The following PCDHGA6 variants were observed in gnomAD, a reference collection of about 807,000 sequenced individuals.
PCDHGA6 encodes protocadherin gamma-A6.
In PCDHGA6, 41 loss-of-function variants were observed where a neutral mutation model predicts 60.6. The ratio of observed to expected loss-of-function variants is 0.68; its 90% CI spans 0.53 to 0.88. The LOEUF (loss-of-function observed/expected upper bound fraction) is 0.88. Among genes scored for constraint, PCDHGA6 ranks in the 40% least tolerant of loss-of-function variants. PCDHGA6 has a pLI of 0.00. For missense variants in PCDHGA6, 1,312 were observed against 1,203.0 expected (o/e 1.09, Z -1.34); for synonymous variants, 594 against 524.4 (o/e 1.13, Z -1.81).
chr5:141,405,332 T>C, intron 1 of PCDHGA6: 1 of 1,614,222 alleles, frequency 6.2e-7, no homozygotes, highest in Non-Finnish European at 8.5e-7. Flanking sequence ...TTTGTGCGTC[T>C]CTGTTGATTC....
At chr5:141,393,886 A>G (rs944974638) in intron 1 of PCDHGA6, 3 of 1,614,034 alleles carry the variant, frequency 1.9e-6, no homozygotes, top group Admixed American at 1.7e-5. Context: ...CCAGTGTTAG[A>G]AAATTCTCTT....
At chr5:141,389,133 A>G (rs1239484034) in intron 1 of PCDHGA6, 18 of 1,613,928 alleles carry the variant, frequency 1.1e-5, no homozygotes, top group Admixed American at 5.0e-5. Flanking sequence ...TCCAGAGTAC[A>G]ATATAACCGT....
intron 1 of PCDHGA6, chr5:141,419,197 T>A (rs560134083): frequency 6.2e-7 from 1 of 1,613,966 alleles, no homozygotes; most frequent in East Asian, 2.2e-5. Flanking sequence ...CTGACGTCAA[T>A]GACAACGCGC....
intron 1 of PCDHGA6, chr5:141,479,290 T>C (rs1045200175): frequency 1.3e-5 from 2 of 152,438 alleles, no homozygotes; most frequent in Non-Finnish European, 2.9e-5. Flanking sequence ...AAAATAAATC[T>C]AGGCAACCCA....
At chr5:141,415,454 A>G (rs899212436) in intron 1 of PCDHGA6, 2 of 1,614,162 alleles carry the variant, frequency 1.2e-6, no homozygotes, top group Non-Finnish European at 8.5e-7. Flanking sequence ...TATTCCCACG[A>G]GGTCTCTCTC....
intron 1 of PCDHGA6, chr5:141,393,085 A>T (rs1350561914): frequency 5.6e-6 from 9 of 1,613,542 alleles, no homozygotes; most frequent in Non-Finnish European, 7.6e-6. Flanking sequence ...GGCAGGATAG[A>T]TCGGGAGGAG....
At chr5:141,440,431 A>G (rs1338519888) in intron 1 of PCDHGA6, 1 of 152,222 alleles carries the variant, frequency 6.6e-6, no homozygotes, top group Non-Finnish European at 1.5e-5. Flanking sequence ...TGGGTGACAG[A>G]GCAAGGCGCC....
Position 141,429,458 on chromosome 5 carries a change from T to C in PCDHGA6, c.2424+52951T>C, listed in dbSNP as rs561407449. 1.6e-4 allele frequency among the ~76,000 whole-genome samples: 25 copies of C among 152,210 alleles called. 1 individual carries two copies. The South Asian group carries it at 4.6e-3, about 28-fold the overall frequency. ...TCAAACTCTTGGGCTACAGTAATCC[T>C]CCCACCTCAATCTCCAGAGTAGCTG... On this transcript the variant is annotated intron_variant, in intron 1 of 3. Transcript: ENST00000517434.
At chr5:141,404,381 T>A (rs762394525) in intron 1 of PCDHGA6, 5 of 1,613,954 alleles carry the variant, frequency 3.1e-6, no homozygotes, top group Middle Eastern at 1.6e-4. Context: ...CGTGATTGCC[T>A]ATGACCCTGA....
At chr5:141,425,745 G>A (rs776065455) in intron 1 of PCDHGA6, among the ~76,000 whole-genome samples, 26 of 152,100 alleles carry the variant, frequency 1.7e-4, no homozygotes, top group Non-Finnish European at 2.9e-4. Flanking sequence ...TTCCCACAAG[G>A]TTTTTGTTCT....
At chr5:141,488,855 C>T (rs1441666819) in intron 1 of PCDHGA6, among the ~76,000 whole-genome samples, 2 of 152,190 alleles carry the variant, frequency 1.3e-5, no homozygotes, top group Non-Finnish European at 1.5e-5. Context: ...ACCTGCAGCA[C>T]GAAGTGAGTG....
chr5:141,428,110 C>G (rs917739943), intron 1 of PCDHGA6: 11 of 1,607,538 alleles, frequency 6.8e-6, no homozygotes, highest in Middle Eastern at 3.4e-4. Context: ...GTGCTGCAGG[C>G]CATCGAGCCC....
chr5:141,427,895 G>T (rs539406412), intron 1 of PCDHGA6: 3 of 1,569,228 alleles, frequency 1.9e-6, no homozygotes, highest in South Asian at 2.2e-5. Context: ...ACCAGGGCTC[G>T]CCCGCGCTCA....
intron 1 of PCDHGA6, chr5:141,388,663 C>G: frequency 1.9e-6 from 3 of 1,613,928 alleles, no homozygotes; most frequent in East Asian, 2.2e-5. Flanking sequence ...CCGGGGACCA[C>G]GGTGCTACAG....
chr5:141,407,089 TTTTA>T (rs2094885755), intron 1 of PCDHGA6, among the ~76,000 whole-genome samples: 2 of 152,196 alleles, frequency 1.3e-5, no homozygotes, highest in South Asian at 4.1e-4. Flanking sequence ...TGAAGAATTG[TTTTA>T]TTTGTTTGTA....
At position 141,417,888 on chromosome 5, in the gene PCDHGA6, G is replaced by C. The variant is rs1406210540; in HGVS notation, c.2424+41381G>C. ...GGAGGGAGCTGCGCGCAGAGGCGCC[G>C]GGCCGGCCCGCGGCAGGTACTATTT... is the stretch of plus-strand genomic sequence containing the variant. On this transcript the variant is annotated intron_variant, in intron 1 of 3. Transcript: ENST00000517434. 1.3e-6 allele frequency: 2 copies of C among 1,566,652 alleles called. No homozygotes were observed. The highest frequency in any genetic ancestry group is 1.7e-4 in the Middle Eastern group (1 of 6,016).
chr5:141,395,655 A>G (rs1302159911), intron 1 of PCDHGA6: 1 of 164,294 alleles, frequency 6.1e-6, no homozygotes, highest in East Asian at 1.8e-4. Context: ...GCTTAGCAAA[A>G]GTAAAATATA....
At position 141,400,283 on chromosome 5, in the gene PCDHGA6, C is replaced by T. The variant is rs566639489; in HGVS notation, c.2424+23776C>T. 2.5e-6 allele frequency: 4 copies of T among 1,614,084 alleles called. No individual in the cohort carries two copies. In the African/African-American group the frequency reaches 5.3e-5, roughly 22 times the overall value. On this transcript the variant is annotated intron_variant, in intron 1 of 3. Coordinates refer to ENST00000517434, the MANE Select transcript of PCDHGA6 (RefSeq NM_018919.3). The stretch of plus-strand genomic sequence containing the variant: ...CTGCGACGCTCCTCCAGCCCTGCCG[C>T]CTGGAGCTGCTTCCAACCTGGTCTC...
chr5:141,506,304 C>A (rs569926873), intron 3 of PCDHGA6, among the ~76,000 whole-genome samples: 3 of 152,078 alleles, frequency 2.0e-5, no homozygotes, highest in Non-Finnish European at 4.4e-5. Context: ...CAAAAATTAG[C>A]TGGGCATGGT....
Sources: gnomAD v4.1 joint callset for allele counts (sites outside exome capture counted in the v4.1 genomes callset) on GRCh38, gnomAD v4.1.1 for gene constraint, MANE v1.5 for transcripts, NCBI Gene and HGNC (gene_info 2026-07-23, HGNC 2026-07-21) for gene names.